PSD3: variants seen among roughly 807,000 people sequenced by gnomAD.
PSD3 encodes the protein pleckstrin and Sec7 domain containing 3.
In PSD3, 49 loss-of-function variants were observed where a neutral mutation model predicts 105.5. That is an observed-to-expected ratio of 0.46 (90% CI 0.37 to 0.59). The LOEUF is 0.59. Ranked by LOEUF, PSD3 falls within the 20% of genes least tolerant of loss-of-function variation. The probability of loss-of-function intolerance (pLI) is 0.00; values close to 1 mark genes in which losing one functional copy is unlikely to be tolerated. For missense variants in PSD3, 1,561 were observed against 1,263.8 expected (o/e 1.24, Z -3.57); for synonymous variants, 557 against 457.8 (o/e 1.22, Z -2.77).
intron 4 of PSD3, among the ~76,000 whole-genome samples, chr8:18,807,980 A>G (rs763437820): frequency 2.0e-5 from 3 of 152,142 alleles, no homozygotes; most frequent in Non-Finnish European, 2.9e-5. Context: ...TAACACTACC[A>G]TTCAGTTTTG....
intron 12 of PSD3, among the ~76,000 whole-genome samples, chr8:18,595,229 A>ACAAACAAAC (rs71217388): frequency 3.4e-5 from 5 of 149,222 alleles, no homozygotes; most frequent in Non-Finnish European, 7.4e-5. Context: ...AAACAAACAA[A>ACAAACAAAC]AAAAACCCTA....
chr8:18,802,363 G>C (rs760008500), intron 6 of PSD3: 8 of 393,800 alleles, frequency 2.0e-5, no homozygotes, highest in South Asian at 1.4e-4. Flanking sequence ...CTAAACATGA[G>C]ATGGGAAGGA....
chr8:18,879,086 ACG>A lies in PSD3; in HGVS notation c.131-6355_131-6354del, dbSNP rs1491143774. Among the ~76,000 whole-genome samples, 269 of 111,220 alleles carry A rather than the reference ACG, an allele frequency of 2.4e-3. 2 individuals carry two copies. Among genetic ancestry groups the A allele is most frequent in the South Asian group, 0.011 (33 of 3,026 alleles). The allele number at this position is 111,220 out of a possible 152,430, so 73.0% of individuals were successfully genotyped here. On this transcript the variant is annotated intron_variant, in intron 2 of 15. Transcript: ENST00000327040. ...CACACACACACACACACACACACAC[ACG>A]CACACACAACTGAACACTGGCCCCA...
At chr8:18,579,550 A>T (rs1802677684) in intron 12 of PSD3, among the ~76,000 whole-genome samples, 1 of 151,442 alleles carries the variant, frequency 6.6e-6, no homozygotes, top group Non-Finnish European at 1.5e-5. Context: ...CCCAATAAAC[A>T]CCAAGAATGT....
intron 8 of PSD3, among the ~76,000 whole-genome samples, chr8:18,775,401 T>C (rs1585932737): frequency 6.6e-6 from 1 of 152,322 alleles, no homozygotes; most frequent in East Asian, 1.9e-4. Flanking sequence ...GAGAGTCATA[T>C]GGTAGTTCTA....
chr8:19,039,274 T>C (rs550422175), intron 1 of PSD3, among the ~76,000 whole-genome samples: 4 of 152,310 alleles, frequency 2.6e-5, no homozygotes, highest in East Asian at 3.9e-4. Flanking sequence ...TCTTTTTCCA[T>C]AGTTTCAATT....
At chr8:18,873,677 T>G (rs1817538982) in intron 2 of PSD3, among the ~76,000 whole-genome samples, 1 of 152,128 alleles carries the variant, frequency 6.6e-6, no homozygotes, top group Non-Finnish European at 1.5e-5. Context: ...CCTCCTGAAT[T>G]TATTCCTCCT....
Position 18,962,724 on chromosome 8 carries a change from T to C in PSD3, c.22-26582A>G, listed in dbSNP as rs1003106934. Among the ~76,000 whole-genome samples the C allele has an allele frequency of 2.0e-5, 3 of 152,220 alleles. No homozygotes were observed. The East Asian group carries it at 5.8e-4, about 29-fold the overall frequency. ...CTTTTGTTGTTTTAAATCTTTTTTC[T>C]TAAAAAAAGAAAGTCATGCATGACT... On this transcript the variant is annotated intron_variant, in intron 1 of 15. Coordinates refer to ENST00000327040, the MANE Select transcript of PSD3 (RefSeq NM_015310.4).
chr8:18,871,416 G>A (rs879491042), intron 3 of PSD3, among the ~76,000 whole-genome samples: 6 of 152,130 alleles, frequency 3.9e-5, no homozygotes, highest in Admixed American at 3.3e-4. Flanking sequence ...CATGCCTAAC[G>A]GATGACTTTA....
chr8:18,987,629 G>A (rs1825576039), intron 1 of PSD3, among the ~76,000 whole-genome samples: 1 of 151,194 alleles, frequency 6.6e-6, no homozygotes, highest in African/African-American at 2.4e-5. Flanking sequence ...ACCACCCTGG[G>A]CAACACAGTG....
At chr8:19,006,294 C>CAAAAAAA (rs58023537) in intron 1 of PSD3, among the ~76,000 whole-genome samples, 1 of 80,824 alleles carries the variant, frequency 1.2e-5, no homozygotes, top group Admixed American at 1.5e-4. Context: ...AACTCCATCT[C>CAAAAAAA]AAAAAAAAAA....
intron 12 of PSD3, among the ~76,000 whole-genome samples, chr8:18,591,448 G>T (rs901966446): frequency 6.6e-6 from 1 of 152,142 alleles, no homozygotes; most frequent in Non-Finnish European, 1.5e-5. Context: ...TGGGAGAAAA[G>T]GTGGTCAACC....
At chr8:18,641,925 T>C (rs1310804317) in intron 10 of PSD3, among the ~76,000 whole-genome samples, 2 of 152,306 alleles carry the variant, frequency 1.3e-5, no homozygotes, top group African/African-American at 4.8e-5. Flanking sequence ...AGAAAGCATG[T>C]AGTTAAATTT....
intron 4 of PSD3, among the ~76,000 whole-genome samples, chr8:18,858,788 C>G (rs1224921759): frequency 6.6e-6 from 1 of 152,206 alleles, no homozygotes; most frequent in Non-Finnish European, 1.5e-5. Context: ...TAAGGCTCCA[C>G]TTCTCGTTCG....
chr8:18,816,349 T>C lies in PSD3; in HGVS notation c.1635-11451A>G, dbSNP rs1049611801. On this transcript the variant is annotated intron_variant, in intron 4 of 15. Transcript: ENST00000327040. Reference sequence around the variant, plus strand: ...ATGGTGCAGTTAAATAACTTTGCCATGACCATTCTGCCAGCAGGAGGTAAA... The same window carrying C: ...ATGGTGCAGTTAAATAACTTTGCCACGACCATTCTGCCAGCAGGAGGTAAA... Among the ~76,000 whole-genome samples, 3 of 152,322 alleles carry C rather than the reference T, an allele frequency of 2.0e-5. No homozygotes were observed. The East Asian group carries it at 5.8e-4, about 29-fold the overall frequency.
At chr8:18,820,373 C>T (rs1812594090) in intron 4 of PSD3, among the ~76,000 whole-genome samples, 1 of 152,110 alleles carries the variant, frequency 6.6e-6, no homozygotes, top group Non-Finnish European at 1.5e-5. Flanking sequence ...TTTGTTTTCA[C>T]TAGTACTGTC....
At chr8:18,762,872 C>T in intron 9 of PSD3, 1 of 1,206,220 alleles carries the variant, frequency 8.3e-7, no homozygotes. Context: ...ACAACTACAA[C>T]AACAAAAAAA....
chr8:19,081,032 T>C (rs1194362679), intron 1 of PSD3, among the ~76,000 whole-genome samples: 2 of 152,076 alleles, frequency 1.3e-5, no homozygotes, highest in African/African-American at 4.8e-5. Context: ...AGCCCCAAGT[T>C]CAAATCAAAT....
chr8:18,834,566 TG>T (rs1813941982), intron 4 of PSD3, among the ~76,000 whole-genome samples: 1 of 152,244 alleles, frequency 6.6e-6, no homozygotes, highest in East Asian at 1.9e-4. Context: ...CTGATAAAAC[TG>T]ATCCAACAGA....
Sources: gnomAD v4.1 joint callset for allele counts (sites outside exome capture counted in the v4.1 genomes callset) on GRCh38, gnomAD v4.1.1 for gene constraint, MANE v1.5 for transcripts, NCBI Gene and HGNC (gene_info 2026-07-23, HGNC 2026-07-21) for gene names.